The following HDAC9 variants were observed in gnomAD, a reference collection of about 807,000 sequenced individuals.
HDAC9 encodes histone deacetylase 9, also known as MEF-2 interacting transcription repressor (MITR) protein.
In HDAC9, 41 loss-of-function variants were observed where a neutral mutation model predicts 139.4. That is an observed-to-expected ratio of 0.29 (90% CI 0.23 to 0.38). The LOEUF is 0.38. Ranked by LOEUF, HDAC9 falls within the 10% of genes least tolerant of loss-of-function variation. HDAC9 has a pLI of 1.00. For missense variants in HDAC9, 1,147 were observed against 1,297.0 expected (o/e 0.88, Z 1.78); for synonymous variants, 517 against 476.2 (o/e 1.09, Z -1.12).
chr7:18,714,776 G>C (rs1784583911), intron 12 of HDAC9, among the ~76,000 whole-genome samples: 2 of 152,164 alleles, frequency 1.3e-5, no homozygotes, highest in African/African-American at 4.8e-5. Context: ...GTGTGGAACT[G>C]GGTGAATATT....
chr7:18,880,930 T>C (rs1396455900), intron 22 of HDAC9, among the ~76,000 whole-genome samples: 5 of 152,008 alleles, frequency 3.3e-5, no homozygotes, highest in Admixed American at 3.3e-4. Flanking sequence ...TTTCAGTATC[T>C]TCTGATTCTC....
intron 1 of HDAC9, among the ~76,000 whole-genome samples, chr7:18,159,673 T>C (rs978371512): frequency 6.6e-6 from 1 of 152,180 alleles, no homozygotes; most frequent in African/African-American, 2.4e-5. Flanking sequence ...TAAATGACCA[T>C]ATTCTACTTG....
intron 1 of HDAC9, among the ~76,000 whole-genome samples, chr7:18,125,345 C>T (rs1228467162): frequency 6.6e-6 from 1 of 152,010 alleles, no homozygotes; most frequent in Non-Finnish European, 1.5e-5. Context: ...GCACAGAGAT[C>T]CTCTGTTGAG....
At chr7:18,546,881 T>A (rs77418441) in intron 2 of HDAC9, among the ~76,000 whole-genome samples, 1,962 of 152,244 alleles carry the variant, frequency 0.013, 44 homozygotes, top group African/African-American at 0.045. Flanking sequence ...AGAGACCCCG[T>A]GGATAATCAT....
At chr7:18,101,334 A>T (rs1313806548) in intron 1 of HDAC9, among the ~76,000 whole-genome samples, 1 of 152,166 alleles carries the variant, frequency 6.6e-6, no homozygotes, top group East Asian at 1.9e-4. Context: ...AGCCCAGGTC[A>T]TCAGTTTCCC....
intron 16 of HDAC9, among the ~76,000 whole-genome samples, chr7:18,783,881 A>C (rs1375140381): frequency 1.3e-5 from 2 of 152,004 alleles, no homozygotes; most frequent in Non-Finnish European, 2.9e-5. Context: ...GGCTACTAAT[A>C]AATACCATGC....
At position 18,197,211 on chromosome 7, in the gene HDAC9, T is replaced by C. The variant is rs544162805; in HGVS notation, c.25+34862T>C. 1.2e-3 allele frequency among the ~76,000 whole-genome samples: 182 copies of C among 152,306 alleles called. 1 individual carries two copies. Among genetic ancestry groups the C allele is most frequent in the Non-Finnish European group, 2.3e-3 (156 of 68,016 alleles). ...TTGGACTTGCCAGACCCCTTAATCA[T>C]GTGAGCCAATTCCTTATAATCAGTC... On this transcript the variant is annotated intron_variant, in intron 2 of 12. Coordinates refer to the HDAC9 transcript ENST00000417496.
intron 17 of HDAC9, among the ~76,000 whole-genome samples, chr7:18,812,290 G>A (rs1345695955): frequency 6.6e-6 from 1 of 151,840 alleles, no homozygotes; most frequent in South Asian, 2.1e-4. Flanking sequence ...ATTCATTTGA[G>A]TCGATCCAGG....
At chr7:18,439,784 A>C (rs763820641) in intron 1 of HDAC9, among the ~76,000 whole-genome samples, 12 of 152,214 alleles carry the variant, frequency 7.9e-5, no homozygotes, top group Non-Finnish European at 1.2e-4. Context: ...CGCTCTTCAT[A>C]CATACACACA....
At chr7:18,272,455 T>G (rs1191273544) in intron 2 of HDAC9, among the ~76,000 whole-genome samples, 1 of 152,122 alleles carries the variant, frequency 6.6e-6, no homozygotes, top group African/African-American at 2.4e-5. Context: ...TTATTTATAA[T>G]CAATATATGA....
chr7:18,149,660 C>T (rs187349805), intron 1 of HDAC9, among the ~76,000 whole-genome samples: 1,828 of 152,130 alleles, frequency 0.012, 21 homozygotes, highest in Middle Eastern at 0.041. Context: ...ACGCCATTCT[C>T]CCGCCTCAGC....
At chr7:18,413,619 A>G (rs774939822) in intron 1 of HDAC9, among the ~76,000 whole-genome samples, 2 of 152,168 alleles carry the variant, frequency 1.3e-5, no homozygotes, top group South Asian at 2.1e-4. Flanking sequence ...ATATGAAACT[A>G]TATAATTCTT....
intron 12 of HDAC9, among the ~76,000 whole-genome samples, chr7:18,676,640 T>A (rs1473270571): frequency 1.3e-5 from 2 of 152,014 alleles, no homozygotes; most frequent in Non-Finnish European, 2.9e-5. Context: ...AATTATAAAT[T>A]ATTTGACTTT....
intron 21 of HDAC9, among the ~76,000 whole-genome samples, chr7:18,837,519 T>C (rs1796316454): frequency 6.6e-6 from 1 of 152,072 alleles, no homozygotes; most frequent in Admixed American, 6.6e-5. Flanking sequence ...ACTTGCATGA[T>C]ACACATTAAA....
chr7:18,476,481 G>A (rs1795120204), intron 1 of HDAC9, among the ~76,000 whole-genome samples: 1 of 151,368 alleles, frequency 6.6e-6, no homozygotes, highest in Admixed American at 6.6e-5. Context: ...GGCTAAGACG[G>A]CTGACTAGAT....
chr7:18,889,310 C>T (rs1800463649), intron 22 of HDAC9, among the ~76,000 whole-genome samples: 1 of 152,162 alleles, frequency 6.6e-6, no homozygotes, highest in African/African-American at 2.4e-5. Context: ...ACCCATCCTC[C>T]ATCATGCTCT....
At chr7:18,661,430 G>T (rs1302637214) in intron 11 of HDAC9, among the ~76,000 whole-genome samples, 2 of 152,098 alleles carry the variant, frequency 1.3e-5, no homozygotes, top group African/African-American at 2.4e-5. Context: ...TCAGGGGAGA[G>T]ATTGGAATTG....
intron 17 of HDAC9, among the ~76,000 whole-genome samples, chr7:18,816,523 A>G (rs927399998): frequency 4.6e-5 from 7 of 152,210 alleles, no homozygotes; most frequent in African/African-American, 1.7e-4. Context: ...AACTGTAGCT[A>G]TATCTGAGCC....
intron 2 of HDAC9, among the ~76,000 whole-genome samples, chr7:18,173,442 G>A (rs1285589342): frequency 1.3e-5 from 2 of 152,118 alleles, no homozygotes; most frequent in African/African-American, 4.8e-5. Flanking sequence ...GGGGCATTTA[G>A]CCCATTTACA....
Sources: gnomAD v4.1 joint callset for allele counts (sites outside exome capture counted in the v4.1 genomes callset) on GRCh38, gnomAD v4.1.1 for gene constraint, MANE v1.5 for transcripts, NCBI Gene and HGNC (gene_info 2026-07-23, HGNC 2026-07-21) for gene names.